The following LHCGR variants were observed in gnomAD, a reference collection of about 807,000 sequenced individuals.
LHCGR encodes lutropin-choriogonadotropic hormone receptor.
A neutral mutation model predicts 60.7 loss-of-function variants in LHCGR; 55 were observed. That is an observed-to-expected ratio of 0.91 (90% CI 0.73 to 1.13). LHCGR has a LOEUF of 1.13. Ranked by LOEUF, LHCGR falls within the 50% of genes most tolerant of loss-of-function variation. LHCGR has a pLI of 0.00. For missense variants in LHCGR, 862 were observed against 836.0 expected, an observed-to-expected ratio of 1.03 and a Z score of -0.38; for synonymous variants, 337 against 316.5, an observed-to-expected ratio of 1.06 and a Z score of -0.69.
At chr2:48,700,473 G>T (rs1394575011) in intron 8 of LHCGR, among the ~76,000 whole-genome samples, 7 of 152,058 alleles carry the variant, frequency 4.6e-5, no homozygotes, top group Admixed American at 2.6e-4. Context: ...GAGTGTAGGG[G>T]TCTGTAGTGC....
intron 8 of LHCGR, among the ~76,000 whole-genome samples, chr2:48,707,915 T>C (rs901440814): frequency 2.6e-5 from 4 of 152,146 alleles, no homozygotes; most frequent in Admixed American, 2.0e-4. Flanking sequence ...GTATCGTTCC[T>C]CCAGGTACAG....
rs1487648448 is a variant in LHCGR at position 48,688,731 on chromosome 2, T to A, written c.1066A>T (p.Ile356Phe). 1 of 1,614,032 alleles carries A rather than the reference T, an allele frequency of 6.2e-7. No individual in the cohort carries two copies. The highest frequency in any genetic ancestry group is 1.3e-5 in the African/African-American group (1 of 74,922). ...ACCCTAAGGAAGTCATAGCCCATAA[T>A]ATCTTCACAGGGATTAAAAGCATCT... The part of the protein sequence containing the change: ...EPDAFNPCED[I>F]MGYDFLRVLI... Residue 356 changes from isoleucine to phenylalanine, a missense_variant, in exon 11 of 11, where the codon ATT (isoleucine) becomes TTT (phenylalanine). Ile to Phe is a conservative substitution (Grantham distance 21). Coordinates refer to ENST00000294954, the MANE Select transcript of LHCGR (RefSeq NM_000233.4). The surrounding 1 kb of genome is among the most constrained non-coding windows in gnomAD (Gnocchi z 5.2).
chr2:48,754,961 G>A (rs1291442172), intron 1 of LHCGR, among the ~76,000 whole-genome samples: 1 of 151,828 alleles, frequency 6.6e-6, no homozygotes, highest in Non-Finnish European at 1.5e-5. Flanking sequence ...TGAAGTTCAA[G>A]CACATCTGGG....
intron 1 of LHCGR, among the ~76,000 whole-genome samples, chr2:48,732,242 A>G (rs1232242262): frequency 2.0e-5 from 3 of 152,208 alleles, no homozygotes; most frequent in African/African-American, 7.2e-5. Flanking sequence ...TGGCCCAAGG[A>G]CTGGCAGAGA....
chr2:48,735,881 G>T (rs1050188881), intron 1 of LHCGR, among the ~76,000 whole-genome samples: 2 of 152,134 alleles, frequency 1.3e-5, no homozygotes, highest in African/African-American at 4.8e-5. Context: ...GTTGGAGGTG[G>T]GGCTTGGTTG....
rs1215419179 is a variant in LHCGR at position 48,688,391 on chromosome 2, G to T, written c.1406C>A (p.Thr469Asn). 3 of 1,614,166 alleles carry T rather than the reference G, an allele frequency of 1.9e-6. No homozygotes were observed. Among genetic ancestry groups the T allele is most frequent in the Non-Finnish European group, 2.5e-6 (3 of 1,180,026 alleles). Residue 469 changes from threonine (T) to asparagine (N), a missense_variant, in exon 11 of 11, where the codon ACC becomes AAC. Transcript: ENST00000294954. The surrounding 1 kb of genome is among the most constrained non-coding windows in gnomAD (Gnocchi z 5.2). ...CTTTTGGTCCAGGTGAATAGCATAG[G>T]TGATGGTGTGCCATCTTTCTAGAGT... ...VITLERWHTI[T>N]YAIHLDQKLR...
chr2:48,705,801 T>A (rs1277908794), intron 8 of LHCGR, among the ~76,000 whole-genome samples: 1 of 152,160 alleles, frequency 6.6e-6, no homozygotes, highest in East Asian at 1.9e-4. Flanking sequence ...GCATGTGAGA[T>A]GGGTCTCCTG....
Position 48,698,633 on chromosome 2 carries a change from C to T in LHCGR, c.848G>A (p.Arg283Lys). 1 of 1,614,042 alleles carries T rather than the reference C, an allele frequency of 6.2e-7. No individual in the cohort carries two copies. Among genetic ancestry groups the T allele is most frequent in the Non-Finnish European group, 8.5e-7 (1 of 1,179,968 alleles). Residue 283 changes from arginine (R) to lysine (K), a missense_variant, in exon 9 of 11, where the codon AGA becomes AAA. Coordinates refer to ENST00000294954, the MANE Select transcript of LHCGR (RefSeq NM_000233.4). ...LTYPSHCCAF[R>K]NLPTKEQNFS... ...TACTTACTCTTTTGTTGGCAAGTTTCTAAAAGCACAGCAGTGGCTGGGGTA... is the reference window on the plus strand; with the variant it reads ...TACTTACTCTTTTGTTGGCAAGTTTTTAAAAGCACAGCAGTGGCTGGGGTA...
At chr2:48,717,805 C>CT (rs1668321567) in intron 6 of LHCGR, among the ~76,000 whole-genome samples, 2 of 137,962 alleles carry the variant, frequency 1.4e-5, no homozygotes, top group Non-Finnish European at 3.1e-5. Flanking sequence ...GCGTCATGGA[C>CT]TTTTTTGCCT....
chr2:48,702,192 G>A (rs1427026402), intron 8 of LHCGR, among the ~76,000 whole-genome samples: 2 of 151,808 alleles, frequency 1.3e-5, no homozygotes, highest in African/African-American at 4.8e-5. Flanking sequence ...GCAGGATGTT[G>A]GATGTTTCAT....
intron 4 of LHCGR, among the ~76,000 whole-genome samples, 193 bp downstream of exon 4, chr2:48,725,483 A>C (rs576752621): frequency 6.6e-6 from 1 of 152,228 alleles, no homozygotes; most frequent in Admixed American, 6.5e-5. Context: ...AACCACTTAC[A>C]TGTATGTAAA....
intron 7 of LHCGR, among the ~76,000 whole-genome samples, chr2:48,709,266 T>G (rs1230704350): frequency 6.6e-6 from 1 of 152,156 alleles, no homozygotes; most frequent in Non-Finnish European, 1.5e-5. Flanking sequence ...TAGAACTCTG[T>G]CCTACAGCTT....
chr2:48,688,215 T>A lies in LHCGR; in HGVS notation c.1582A>T (p.Ile528Leu), dbSNP rs1306280294. 3 of 1,614,016 alleles carry A rather than the reference T, an allele frequency of 1.9e-6. No homozygotes were observed. In the East Asian group the frequency reaches 6.7e-5, roughly 36 times the overall value. ...DVETTLSQVY[I>L]LTILILNVVA... ...ACATTGAGAATCAGGATGGTTAATA[T>A]ATAGACTTGTGAGAGAGTGGTTTCC... Residue 528 changes from isoleucine (I) to leucine (L), a missense_variant, in exon 11 of 11, where the codon ATA becomes TTA. Transcript: ENST00000294954. This position sits in a 1 kb window ranked among gnomAD's most constrained non-coding sequence, Gnocchi z 5.2.
chr2:48,742,224 C>G (rs1314967508), intron 1 of LHCGR, among the ~76,000 whole-genome samples: 4 of 152,038 alleles, frequency 2.6e-5, no homozygotes, highest in Admixed American at 6.6e-5. Flanking sequence ...GAGACTTAGA[C>G]TCCCACACAT....
chr2:48,696,624 C>G (rs1451707567), intron 9 of LHCGR, among the ~76,000 whole-genome samples: 2 of 152,118 alleles, frequency 1.3e-5, no homozygotes, highest in Non-Finnish European at 1.5e-5. Context: ...CTCCTCCCTG[C>G]CCCCGCCAAG....
chr2:48,754,765 C>T (rs961811409), intron 1 of LHCGR, among the ~76,000 whole-genome samples: 2 of 152,072 alleles, frequency 1.3e-5, no homozygotes, highest in East Asian at 1.9e-4. Context: ...GAAAGGAGAC[C>T]TGATGACACC....
rs1212984467 is a variant in LHCGR at position 48,714,043 on chromosome 2, C to T, written c.548G>A (p.Gly183Glu). Residue 183 changes from glycine (G) to glutamate (E), a missense_variant, in exon 7 of 11, where the codon GGA (glycine) becomes GAA (glutamate). Gly to Glu is a moderately conservative substitution (Grantham distance 98). Transcript: ENST00000294954. ...NNESVTLKLY[G>E]NGFEEVQSHA... The stretch of plus-strand genomic sequence containing the variant: ...ACTTTGTACTTCTTCAAATCCATTT[C>T]CATATAGTTTGCTGAAGGAGGGAGG... The T allele has an allele frequency of 1.9e-6, 3 of 1,612,336 alleles. No homozygotes were observed. Among genetic ancestry groups the T allele is most frequent in the Non-Finnish European group, 2.5e-6 (3 of 1,178,534 alleles).
chr2:48,699,163 C>T (rs1196320198), intron 8 of LHCGR, among the ~76,000 whole-genome samples: 1 of 152,156 alleles, frequency 6.6e-6, no homozygotes, highest in Non-Finnish European at 1.5e-5. Context: ...AACCTCCCCT[C>T]AACAATATTA....
At chr2:48,734,656 T>C (rs148246731) in intron 1 of LHCGR, among the ~76,000 whole-genome samples, 8 of 152,316 alleles carry the variant, frequency 5.3e-5, no homozygotes, top group Non-Finnish European at 1.2e-4. Flanking sequence ...TTGTGAACTA[T>C]TGTGGAAAGG....
Sources: gnomAD v4.1 joint callset for allele counts (sites outside exome capture counted in the v4.1 genomes callset) on GRCh38, gnomAD v4.1.1 for gene constraint, Gnocchi (gnomAD v3.1) non-coding constraint, MANE v1.5 for transcripts, NCBI Gene and HGNC (gene_info 2026-07-23, HGNC 2026-07-21) for gene names.